The following METTL21A variants were observed in gnomAD, a reference collection of about 807,000 sequenced individuals.
METTL21A encodes the protein methyltransferase 21A, HSPA lysine, also known as protein N-lysine methyltransferase METTL21A.
A neutral mutation model predicts 20.9 loss-of-function variants in METTL21A; 22 were observed. The observed-to-expected ratio is 1.05, with a 90% CI of 0.75 to 1.50. The LOEUF is 1.50. METTL21A is among the 40% of genes most tolerant of loss of function. METTL21A has a pLI of 0.00. For missense variants in METTL21A, 271 were observed against 266.8 expected, an observed-to-expected ratio of 1.02 and a Z score of -0.11; for synonymous variants, 93 against 102.0, an observed-to-expected ratio of 0.91 and a Z score of 0.53.
At chr2:207,601,829 C>T (rs1432201116) in intron 3 of METTL21A, 1 of 219,168 alleles carries the variant, frequency 4.6e-6, no homozygotes. Context: ...ATAGTTCACT[C>T]AGTTGTACAA....
intron 3 of METTL21A, chr2:207,601,382 G>T (rs919327883): frequency 7.0e-5 from 13 of 185,504 alleles, no homozygotes; most frequent in Non-Finnish European, 1.1e-4. Flanking sequence ...GTTTTTCATT[G>T]ATTAAAATAT....
downstream of METTL21A, among the ~76,000 whole-genome samples, chr2:207,608,288 T>G (rs1342011202): frequency 3.9e-5 from 6 of 152,140 alleles, no homozygotes; most frequent in African/African-American, 1.4e-4. Context: ...CATTCCCATA[T>G]GAACTTTTCA....
At chr2:207,599,224 T>C (rs763722232) in intron 3 of METTL21A, 3 of 200,146 alleles carry the variant, frequency 1.5e-5, no homozygotes, top group South Asian at 1.9e-4. Flanking sequence ...GGGAAAGTTA[T>C]AGCATAAAAA....
chr2:207,624,338 C>A (rs773705375), exon 2 of METTL21A: 2 of 1,613,898 alleles, frequency 1.2e-6, no homozygotes, highest in Non-Finnish European at 1.7e-6. Flanking sequence ...TTTCTGCAAC[C>A]CAAATTCCGT....
downstream of METTL21A, among the ~76,000 whole-genome samples, chr2:207,608,560 A>AT (rs1351282553): frequency 6.6e-6 from 1 of 152,150 alleles, no homozygotes; most frequent in Non-Finnish European, 1.5e-5. Context: ...ACCCAGGGAT[A>AT]TTATTGAAGC....
At chr2:207,597,117 G>A in intron 3 of METTL21A, 1 of 1,492,024 alleles carries the variant, frequency 6.7e-7, no homozygotes, top group South Asian at 1.3e-5. Flanking sequence ...GCCACAACCT[G>A]AAAGACAAAA....
At chr2:207,586,056 A>G (rs1300432483) in intron 3 of METTL21A, among the ~76,000 whole-genome samples, 1 of 152,188 alleles carries the variant, frequency 6.6e-6, no homozygotes, top group African/African-American at 2.4e-5. Flanking sequence ...AGGCCTTTCT[A>G]AGACACACTA....
chr2:207,596,595 C>A (rs977784692), intron 3 of METTL21A, among the ~76,000 whole-genome samples: 1 of 152,096 alleles, frequency 6.6e-6, no homozygotes, highest in Non-Finnish European at 1.5e-5. Flanking sequence ...CGCCACACCC[C>A]GCTAATTTTT....
chr2:207,590,085 T>TG (rs2084698849), intron 3 of METTL21A, among the ~76,000 whole-genome samples: 1 of 93,110 alleles, frequency 1.1e-5, no homozygotes. Flanking sequence ...TTTGAGAAGT[T>TG]TTTTTTTTTT....
At chr2:207,609,439 A>C (rs1575102215), downstream of METTL21A, 7 of 152,336 alleles carry the variant, frequency 4.6e-5, 1 homozygote, top group East Asian at 1.3e-3. Context: ...CTTTAAATGG[A>C]ATGTATCTTT....
In METTL21A at chr2:207,624,195, G is replaced by T. The variant is rs748304090; in HGVS notation, c.147+34C>A. The T allele has an allele frequency of 8.4e-6, 13 of 1,550,134 alleles. No individual in the cohort carries two copies. In the African/African-American group the frequency reaches 1.3e-4, roughly 15 times the overall value. ...AAATAAAAGCCAGTCTTGCAAGTGT[G>T]AACGTTTTCAGAGGTCCCCCAGGGC... On this transcript the variant is annotated intron_variant, in intron 2 of 3. Coordinates refer to ENST00000406927, the Ensembl canonical transcript of METTL21A.
intron 3 of METTL21A, among the ~76,000 whole-genome samples, chr2:207,590,817 A>G (rs1230952256): frequency 6.6e-6 from 1 of 152,222 alleles, no homozygotes; most frequent in African/African-American, 2.4e-5. Flanking sequence ...AACCCTTGAT[A>G]TAAATAATTG....
At chr2:207,614,386 A>T (rs1391985907) in intron 3 of METTL21A, among the ~76,000 whole-genome samples, 1 of 152,156 alleles carries the variant, frequency 6.6e-6, no homozygotes, top group East Asian at 1.9e-4. Flanking sequence ...GTCTCAAAAA[A>T]AAAAAAAATA....
At chr2:207,586,448 A>C (rs2083856094) in intron 3 of METTL21A, among the ~76,000 whole-genome samples, 1 of 152,184 alleles carries the variant, frequency 6.6e-6, no homozygotes, top group South Asian at 2.1e-4. Flanking sequence ...ATAAGACCCC[A>C]AACTCTTAGA....
In METTL21A at chr2:207,581,810, A is replaced by G. The variant is rs914314153; in HGVS notation, c.*337T>C. The G allele has an allele frequency of 2.3e-5, 16 of 699,850 alleles. No homozygotes were observed. The African/African-American group carries it at 2.6e-4, about 12-fold the overall frequency. 43.4% of individuals were successfully genotyped at this position (699,850 alleles called of 1,614,324 possible). A position where few individuals can be genotyped will look rare whatever the true frequency, so the allele number is the denominator to read the frequency against. On this transcript the variant is annotated 3_prime_UTR_variant, in exon 4 of 4. Coordinates refer to the METTL21A transcript ENST00000425132. ...TTTACTTACATAATCCAGTTTGGGT[A>G]CCATATCGCATTTAATTATAGTCTC...
rs1381559571 is a variant in METTL21A at position 207,598,086 on chromosome 2, A to C, written c.260-15926T>G. ...GCAAAGTGATATATATTTGTTTATG[A>C]AATGTTACATGTAGAAAAATACTGA... On this transcript the variant is annotated intron_variant, in intron 3 of 3. Transcript: ENST00000425132. The C allele has an allele frequency of 1.7e-5, 3 of 180,874 alleles. No homozygotes were observed. In the East Asian group the frequency reaches 2.7e-4, roughly 16 times the overall value. The allele number at this position is 180,874 out of a possible 1,614,324, so 11.2% of individuals were successfully genotyped here.
At chr2:207,619,193 T>A (rs1216026940) in intron 3 of METTL21A, among the ~76,000 whole-genome samples, 1 of 148,900 alleles carries the variant, frequency 6.7e-6, no homozygotes, top group Non-Finnish European at 1.5e-5. Flanking sequence ...TTTTTTTTAA[T>A]CTTCTTTCTT....
At chr2:207,584,555 C>T (rs1322988542) in intron 3 of METTL21A, among the ~76,000 whole-genome samples, 3 of 152,144 alleles carry the variant, frequency 2.0e-5, no homozygotes, top group African/African-American at 7.2e-5. Flanking sequence ...CAGGCACCTG[C>T]CACCACGTCT....
At chr2:207,625,310 GC>G (rs2091000868) in exon 1 of METTL21A, 2 of 152,032 alleles carry the variant, frequency 1.3e-5, no homozygotes, top group Non-Finnish European at 2.9e-5. Flanking sequence ...CGCTTTCCCC[GC>G]CCCGGGCTGG....
Sources: gnomAD v4.1 joint callset for allele counts (sites outside exome capture counted in the v4.1 genomes callset) on GRCh38, gnomAD v4.1.1 for gene constraint, MANE v1.5 for transcripts, NCBI Gene and HGNC (gene_info 2026-07-23, HGNC 2026-07-21) for gene names.